Variants in TRAPPC9 observed in about 807,000 individuals in gnomAD.
The protein encoded by TRAPPC9 is IKK2 binding protein.
Under a neutral mutation model 124.0 loss-of-function variants are expected in TRAPPC9, and 83 were observed. That is an observed-to-expected ratio of 0.67 (90% CI 0.56 to 0.80). The LOEUF (loss-of-function observed/expected upper bound fraction) is 0.80, where lower values mean the gene tolerates loss of function less well. TRAPPC9 is among the 30% of genes least tolerant of loss of function. The pLI is 0.00. For missense variants in TRAPPC9, 1,302 were observed against 1,508.3 expected (o/e 0.86, Z 2.27); for synonymous variants, 638 against 617.5 (o/e 1.03, Z -0.49).
rs117443048 is a variant in TRAPPC9, at chr8:139,730,896, C to G, written c.*165G>C. 14,301 of 771,216 alleles carry G rather than the reference C, an allele frequency of 0.019. 189 individuals carry two copies. The highest frequency in any genetic ancestry group is 0.024 in the Non-Finnish European group (11,641 of 483,282). The allele number at this position is 771,216 out of a possible 1,614,324, so 47.8% of individuals were successfully genotyped here. A position where few individuals can be genotyped will look rare whatever the true frequency, so the allele number is the denominator to read the frequency against. ...TGCCATGTCCGGGGCTTCTGCGTAGCCCAGCAAAGATGCTACAGGAGGAAC... is the reference window on the plus strand; with the variant it reads ...TGCCATGTCCGGGGCTTCTGCGTAGGCCAGCAAAGATGCTACAGGAGGAAC... On this transcript the variant is annotated 3_prime_UTR_variant, in exon 23 of 23. Transcript: ENST00000438773.
chr8:140,020,202 C>G (rs963246809), intron 18 of TRAPPC9, among the ~76,000 whole-genome samples: 4 of 151,928 alleles, frequency 2.6e-5, no homozygotes, highest in African/African-American at 9.7e-5. Flanking sequence ...TTGGTTTCAC[C>G]AACTTTATGA....
intron 19 of TRAPPC9, among the ~76,000 whole-genome samples, chr8:139,953,628 T>C (rs1252383849): frequency 6.6e-6 from 1 of 152,120 alleles, no homozygotes; most frequent in South Asian, 2.1e-4. Context: ...ATAAACTAGA[T>C]TGAAAGTAAA....
chr8:139,938,263 C>T (rs1833667894), intron 19 of TRAPPC9, among the ~76,000 whole-genome samples: 2 of 152,156 alleles, frequency 1.3e-5, no homozygotes, highest in Admixed American at 1.3e-4. Flanking sequence ...ACCACACAGT[C>T]AGTGGGTCCT....
chr8:140,441,141 G>A (rs2071003479), intron 2 of TRAPPC9, among the ~76,000 whole-genome samples: 1 of 151,644 alleles, frequency 6.6e-6, no homozygotes, highest in Non-Finnish European at 1.5e-5. Flanking sequence ...ACAACACCTG[G>A]CTAATTGTTT....
In TRAPPC9 at chr8:140,300,332, T is replaced by C. The variant is rs1044836842; in HGVS notation, c.1768+137A>G. The C allele has an allele frequency of 7.4e-6, 8 of 1,086,772 alleles. No homozygotes were observed. The African/African-American group carries it at 7.8e-5, about 11-fold the overall frequency. The allele number at this position is 1,086,772 out of a possible 1,614,324, so 67.3% of individuals were successfully genotyped here. ...ACATGCACACACATATACACACATA[T>C]GCATGCGTGCACACATCCACGCACG... On this transcript the variant is annotated intron_variant, in intron 11 of 22. Transcript: ENST00000438773.
chr8:139,755,751 C>T (rs1379387850), intron 21 of TRAPPC9, among the ~76,000 whole-genome samples: 18 of 127,622 alleles, frequency 1.4e-4, no homozygotes, highest in African/African-American at 2.8e-4. Context: ...GACAGCAGGT[C>T]GCAGGGGGAG....
At chr8:140,440,440 G>A (rs1588360097) in intron 2 of TRAPPC9, among the ~76,000 whole-genome samples, 1 of 152,144 alleles carries the variant, frequency 6.6e-6, no homozygotes, top group African/African-American at 2.4e-5. Flanking sequence ...CCGGGAGGCG[G>A]AGGTTGCAGT....
intron 18 of TRAPPC9, among the ~76,000 whole-genome samples, chr8:139,995,737 C>T (rs73725371): frequency 0.11 from 15,940 of 151,764 alleles, 1,668 homozygotes; most frequent in African/African-American, 0.27. Flanking sequence ...GAGCAAACCA[C>T]GGGCTTTGAT....
At chr8:139,795,143 T>C (rs1479918612) in intron 21 of TRAPPC9, among the ~76,000 whole-genome samples, 2 of 152,190 alleles carry the variant, frequency 1.3e-5, no homozygotes, top group African/African-American at 4.8e-5. Context: ...CTGATTTCAC[T>C]GCCAGCCCAG....
intron 17 of TRAPPC9, among the ~76,000 whole-genome samples, chr8:140,080,415 G>A (rs1843747326): frequency 6.6e-6 from 1 of 152,228 alleles, no homozygotes; most frequent in African/African-American, 2.4e-5. Flanking sequence ...TATGATTCTG[G>A]TAGCTGGAAT....
chr8:140,036,751 G>A (rs532327598), intron 17 of TRAPPC9, among the ~76,000 whole-genome samples: 19 of 152,336 alleles, frequency 1.2e-4, no homozygotes, highest in African/African-American at 2.9e-4. Context: ...AGGAGCCAGC[G>A]GAGCGACCCT....
At chr8:140,314,495 A>G (rs2066392657) in intron 9 of TRAPPC9, among the ~76,000 whole-genome samples, 1 of 152,184 alleles carries the variant, frequency 6.6e-6, no homozygotes, top group African/African-American at 2.4e-5. Context: ...TTTGAAATAT[A>G]CCTTTTTGTG....
At chr8:140,038,262 G>T (rs1052241089) in intron 17 of TRAPPC9, among the ~76,000 whole-genome samples, 5 of 152,186 alleles carry the variant, frequency 3.3e-5, no homozygotes, top group African/African-American at 4.8e-5. Context: ...CACAGGTGCT[G>T]GTTCCTGCAT....
Position 139,820,127 on chromosome 8 carries a change from A to G in TRAPPC9, c.3055+65752T>C, listed in dbSNP as rs1226421828. Among the ~76,000 whole-genome samples the G allele has an allele frequency of 1.3e-5, 2 of 151,954 alleles. 1 individual carries two copies. The stretch of plus-strand genomic sequence containing the variant: ...CCAAAAGACATTTTTTTAATTTCAG[A>G]TTTCAGAAAAGAAAACTCTTAAAAT... On this transcript the variant is annotated intron_variant, in intron 21 of 22. Coordinates refer to ENST00000438773, the MANE Select transcript of TRAPPC9 (RefSeq NM_001160372.4).
At chr8:140,457,541 C>G (rs891340719) in intron 1 of TRAPPC9, 98 bp downstream of exon 1, 4 of 925,236 alleles carry the variant, frequency 4.3e-6, no homozygotes, top group Non-Finnish European at 5.2e-6. Context: ...GCCGGGCGAG[C>G]CCCTCCGCGG....
chr8:140,233,752 G>GAAA (rs549304468), intron 16 of TRAPPC9, among the ~76,000 whole-genome samples: 5 of 111,882 alleles, frequency 4.5e-5, no homozygotes, highest in Non-Finnish European at 6.9e-5. Context: ...CACATTAAAA[G>GAAA]AAAAAAAAAA....
At chr8:139,740,804 G>A (rs951075912) in intron 21 of TRAPPC9, among the ~76,000 whole-genome samples, 4 of 152,216 alleles carry the variant, frequency 2.6e-5, no homozygotes. Flanking sequence ...CTCCACCTCC[G>A]GCTGTCGTGA....
chr8:140,155,205 C>T (rs937156758), intron 17 of TRAPPC9, among the ~76,000 whole-genome samples: 4 of 152,128 alleles, frequency 2.6e-5, no homozygotes, highest in East Asian at 1.9e-4. Context: ...GTTTCTCCAC[C>T]GGGGCCATTT....
intron 21 of TRAPPC9, among the ~76,000 whole-genome samples, chr8:139,866,483 C>T (rs1828547294): frequency 6.6e-6 from 1 of 152,148 alleles, no homozygotes; most frequent in South Asian, 2.1e-4. Flanking sequence ...AAGGCAGGAA[C>T]CTGTGGGATC....
Sources: gnomAD v4.1 joint callset for allele counts (sites outside exome capture counted in the v4.1 genomes callset) on GRCh38, gnomAD v4.1.1 for gene constraint, MANE v1.5 for transcripts, NCBI Gene and HGNC (gene_info 2026-07-23, HGNC 2026-07-21) for gene names.